The following ZNF90 variants were observed in gnomAD, a reference collection of about 807,000 sequenced individuals.
The protein encoded by ZNF90 is zinc finger protein 90.
A neutral mutation model predicts 12.0 loss-of-function variants in ZNF90; 11 were observed. The ratio of observed to expected loss-of-function variants is 0.92; its 90% confidence interval spans 0.58 to 1.52. ZNF90 has a LOEUF of 1.52. Ranked by LOEUF, ZNF90 falls within the 40% of genes most tolerant of loss-of-function variation. The pLI, the probability that ZNF90 is intolerant of heterozygous loss-of-function variation, is 0.00. For missense variants in ZNF90, 765 were observed against 711.5 expected (o/e 1.08, Z -0.86); for synonymous variants, 232 against 240.1 (o/e 0.97, Z 0.31).
chr19:20,096,546 C>T (rs1014442316), intron 1 of ZNF90, among the ~76,000 whole-genome samples: 27 of 151,812 alleles, frequency 1.8e-4, no homozygotes, highest in African/African-American at 6.3e-4. Flanking sequence ...TCGCAAGGTG[C>T]TCAGTGGGGG....
intron 1 of ZNF90, among the ~76,000 whole-genome samples, chr19:20,090,786 T>G (rs1555702653): frequency 5.3e-5 from 8 of 152,192 alleles, no homozygotes; most frequent in Non-Finnish European, 2.9e-5. Flanking sequence ...TCAAATGGAC[T>G]GTACCCTGTA....
At chr19:20,082,584 A>C (rs2088828334) in intron 1 of ZNF90, among the ~76,000 whole-genome samples, 1 of 152,322 alleles carries the variant, frequency 6.6e-6, no homozygotes, top group Admixed American at 6.5e-5. Context: ...GCTTGTTAAA[A>C]GTCATCACCA....
At chr19:20,099,276 C>T (rs1238126132) in intron 1 of ZNF90, among the ~76,000 whole-genome samples, 1 of 152,020 alleles carries the variant, frequency 6.6e-6, no homozygotes, top group Non-Finnish European at 1.5e-5. Flanking sequence ...AGGGTTCAAG[C>T]GATTCTCTTC....
chr19:20,081,131 T>C (rs1240996755), intron 1 of ZNF90, among the ~76,000 whole-genome samples: 1 of 152,124 alleles, frequency 6.6e-6, no homozygotes, highest in Non-Finnish European at 1.5e-5. Flanking sequence ...ACACTAGACA[T>C]AGACGTGCCC....
chr19:20,089,479 G>A (rs1253744919), intron 1 of ZNF90, among the ~76,000 whole-genome samples: 2 of 152,178 alleles, frequency 1.3e-5, no homozygotes, highest in Non-Finnish European at 2.9e-5. Flanking sequence ...TTGGGCTTCG[G>A]AGATGAAGAG....
intron 1 of ZNF90, chr19:20,080,038 C>T (rs2088808398): frequency 9.5e-6 from 3 of 317,148 alleles, no homozygotes; most frequent in Non-Finnish European, 1.8e-5. Context: ...TGGGTTCAAG[C>T]GATTCTCCTG....
chr19:20,080,899 C>G (rs908993586), intron 1 of ZNF90, among the ~76,000 whole-genome samples: 5 of 152,126 alleles, frequency 3.3e-5, no homozygotes, highest in African/African-American at 1.2e-4. Flanking sequence ...TTGGTGCCAG[C>G]AAAAGATATC....
At chr19:20,083,156 G>C (rs1329283198) in intron 1 of ZNF90, among the ~76,000 whole-genome samples, 1 of 147,326 alleles carries the variant, frequency 6.8e-6, no homozygotes, top group South Asian at 2.1e-4. Flanking sequence ...GACTGGTGCC[G>C]GTGCCGGTCC....
chr19:20,092,323 G>A (rs908115344), intron 1 of ZNF90, among the ~76,000 whole-genome samples: 10 of 152,154 alleles, frequency 6.6e-5, no homozygotes, highest in African/African-American at 1.7e-4. Flanking sequence ...CAGCAGCAGC[G>A]GCTGCACGGA....
chr19:20,085,554 C>T (rs1310510890), intron 1 of ZNF90, among the ~76,000 whole-genome samples: 2 of 152,188 alleles, frequency 1.3e-5, no homozygotes, highest in Non-Finnish European at 2.9e-5. Context: ...GCCACCGCGC[C>T]CGGCCAGTTG....
At chr19:20,107,062 G>T (rs1373551471) in intron 3 of ZNF90, 1 of 451,812 alleles carries the variant, frequency 2.2e-6, no homozygotes, top group Non-Finnish European at 4.4e-6. Flanking sequence ...GGCTCTGACT[G>T]AGTACCAGAC....
chr19:20,100,412 C>A (rs537937670), intron 1 of ZNF90, among the ~76,000 whole-genome samples: 4 of 152,326 alleles, frequency 2.6e-5, no homozygotes, highest in African/African-American at 7.2e-5. Context: ...ATCCCTGTAT[C>A]ATTAACCTCC....
At chr19:20,078,749 C>T (rs1167037700) in intron 1 of ZNF90, among the ~76,000 whole-genome samples, 2 of 152,110 alleles carry the variant, frequency 1.3e-5, no homozygotes, top group Non-Finnish European at 2.9e-5. Context: ...TGAGTGTAAG[C>T]CAACCGGGAT....
chr19:20,101,356 A>G lies in ZNF90; in HGVS notation c.4-2883A>G, dbSNP rs139784584. 3.8e-3 allele frequency among the ~76,000 whole-genome samples: 573 copies of G among 152,332 alleles called. 4 individuals are homozygous for G. The Middle Eastern group carries it at 0.041, about 11-fold the overall frequency. On this transcript the variant is annotated intron_variant, in intron 1 of 3. Coordinates refer to ENST00000418063, the MANE Select transcript of ZNF90 (RefSeq NM_007138.2). ...ATTCCTTGGAATCCATGAGGCCAAG[A>G]ACCCCAGGTCAGAGAACAAAGGGCT...
At chr19:20,115,458 A>C (rs868954582) in intron 3 of ZNF90, among the ~76,000 whole-genome samples, 1 of 149,086 alleles carries the variant, frequency 6.7e-6, no homozygotes, top group African/African-American at 2.5e-5. Flanking sequence ...GTTTTTAAAA[A>C]TTTTCTTTTG....
At chr19:20,106,857 A>C (rs2089043876) in intron 3 of ZNF90, 1 of 454,248 alleles carries the variant, frequency 2.2e-6, no homozygotes, top group African/African-American at 2.0e-5. Flanking sequence ...TAGCTTGGTC[A>C]CAAGGCTGCT....
At chr19:20,106,572 GCTTCCCGAGTAGCTGGGA>G (rs1377144685) in intron 3 of ZNF90, among the ~76,000 whole-genome samples, 1 of 152,186 alleles carries the variant, frequency 6.6e-6, no homozygotes, top group Non-Finnish European at 1.5e-5. Context: ...TCCTGCCTCA[GCTTCCCGAGTAGCTGGGA>G]CTACAGGCAC....
chr19:20,085,496 G>C (rs1220145098), intron 1 of ZNF90, among the ~76,000 whole-genome samples: 1 of 151,956 alleles, frequency 6.6e-6, no homozygotes, highest in Non-Finnish European at 1.5e-5. Flanking sequence ...TCCTGACCTC[G>C]TGATCTGCCC....
At chr19:20,117,061 G>GAC (rs2089144412) in intron 3 of ZNF90, among the ~76,000 whole-genome samples, 1 of 151,326 alleles carries the variant, frequency 6.6e-6, no homozygotes, top group Admixed American at 6.6e-5. Context: ...GAGAGAGAGA[G>GAC]AGACAGAATG....
Sources: gnomAD v4.1 joint callset for allele counts (sites outside exome capture counted in the v4.1 genomes callset) on GRCh38, gnomAD v4.1.1 for gene constraint, MANE v1.5 for transcripts, NCBI Gene and HGNC (gene_info 2026-07-23, HGNC 2026-07-21) for gene names.